Variants in ADGRB3 observed in about 807,000 individuals in gnomAD.
The protein encoded by ADGRB3 is brain-specific angiogenesis inhibitor 3.
Under a neutral mutation model 193.4 loss-of-function variants are expected in ADGRB3, and 37 were observed. The ratio of observed to expected loss-of-function variants is 0.19; its 90% CI spans 0.15 to 0.25. The LOEUF (loss-of-function observed/expected upper bound fraction) is 0.25. Among genes scored for constraint, ADGRB3 ranks in the 10% least tolerant of loss-of-function variants. The pLI is 1.00. For missense variants in ADGRB3, 1,637 were observed against 1,852.9 expected (o/e 0.88, Z 2.14); for synonymous variants, 690 against 644.2 (o/e 1.07, Z -1.08).
In ADGRB3 at chr6:68,758,176, T is replaced by G. The variant is rs537805090; in HGVS notation, c.757+118744T>G. Reference sequence around the variant, plus strand: ...CTCCTCACAAATTTGCTGTTAAGATTAGAGGTAATGAATATTAATGTTTAA... The same window carrying G: ...CTCCTCACAAATTTGCTGTTAAGATGAGAGGTAATGAATATTAATGTTTAA... On this transcript the variant is annotated intron_variant, in intron 3 of 31. Coordinates refer to ENST00000370598, the MANE Select transcript of ADGRB3 (RefSeq NM_001704.3). Among the ~76,000 whole-genome samples the G allele has an allele frequency of 4.1e-4, 63 of 152,216 alleles. 1 individual carries two copies. The South Asian group carries it at 8.9e-3, about 22-fold the overall frequency.
intron 3 of ADGRB3, among the ~76,000 whole-genome samples, chr6:68,871,343 G>C (rs1765449617): frequency 1.3e-5 from 2 of 152,004 alleles, no homozygotes; most frequent in Admixed American, 1.3e-4. Context: ...GGGAAATAGG[G>C]GTAAAGTGTG....
At chr6:69,102,723 C>G (rs543926270) in intron 17 of ADGRB3, among the ~76,000 whole-genome samples, 3 of 152,194 alleles carry the variant, frequency 2.0e-5, no homozygotes, top group Admixed American at 6.5e-5. Context: ...AAGAGTCTAC[C>G]TAGTGCCACA....
chr6:68,901,768 G>A (rs572476262), intron 3 of ADGRB3, among the ~76,000 whole-genome samples: 2 of 152,108 alleles, frequency 1.3e-5, no homozygotes, highest in Admixed American at 6.6e-5. Context: ...AAACAGAAAA[G>A]CAGAGAACAA....
At chr6:68,887,578 T>C (rs561653503) in intron 3 of ADGRB3, among the ~76,000 whole-genome samples, 1 of 152,244 alleles carries the variant, frequency 6.6e-6, no homozygotes, top group Admixed American at 6.5e-5. Context: ...AAAAAATTTC[T>C]GTGCCATGAT....
chr6:68,798,332 G>A (rs183931654), intron 3 of ADGRB3, among the ~76,000 whole-genome samples: 251 of 152,272 alleles, frequency 1.6e-3, no homozygotes, highest in African/African-American at 5.5e-3. Context: ...TAAACACTGT[G>A]CCCTTCTTTA....
chr6:68,874,791 C>A (rs1483916230), intron 3 of ADGRB3, among the ~76,000 whole-genome samples: 7 of 152,042 alleles, frequency 4.6e-5, no homozygotes, highest in South Asian at 2.1e-4. Flanking sequence ...ATGGAATTTG[C>A]AACTAGATTG....
At chr6:68,908,053 G>A (rs888497232) in intron 3 of ADGRB3, among the ~76,000 whole-genome samples, 3 of 151,412 alleles carry the variant, frequency 2.0e-5, no homozygotes, top group Non-Finnish European at 4.4e-5. Flanking sequence ...CATAAAGTTC[G>A]ATGAGATCTT....
intron 3 of ADGRB3, among the ~76,000 whole-genome samples, chr6:68,650,435 A>G (rs932326718): frequency 2.6e-5 from 4 of 152,104 alleles, no homozygotes; most frequent in Non-Finnish European, 4.4e-5. Context: ...TGATGAGACA[A>G]TGGAACATTT....
intron 3 of ADGRB3, among the ~76,000 whole-genome samples, chr6:68,799,977 C>T (rs1767281306): frequency 6.6e-6 from 1 of 152,054 alleles, no homozygotes; most frequent in Non-Finnish European, 1.5e-5. Context: ...GATAAGTTTC[C>T]TGACTATCAG....
Position 68,861,013 on chromosome 6 carries a change from G to A in ADGRB3, c.758-69546G>A, listed in dbSNP as rs57240609. ...CAGACTCATTGCATTTAAACTCATC[G>A]ATCTATCTTGCACCACAGATGGATC... On this transcript the variant is annotated intron_variant, in intron 3 of 31. Transcript: ENST00000370598. 8.2e-3 allele frequency among the ~76,000 whole-genome samples: 1,252 copies of A among 152,156 alleles called. 16 individuals carry two copies. The highest frequency in any genetic ancestry group is 0.029 in the African/African-American group (1,194 of 41,522).
At chr6:68,992,995 CCTG>C (rs1334614039) in intron 10 of ADGRB3, among the ~76,000 whole-genome samples, 1 of 151,932 alleles carries the variant, frequency 6.6e-6, no homozygotes, top group Non-Finnish European at 1.5e-5. Flanking sequence ...ATAATGGATT[CCTG>C]CTATTTCTTT....
intron 3 of ADGRB3, among the ~76,000 whole-genome samples, chr6:68,789,077 C>G (rs576277073): frequency 4.5e-4 from 69 of 152,016 alleles, no homozygotes; most frequent in Non-Finnish European, 8.7e-4. Context: ...TTCCTGAATA[C>G]AGCACACTGA....
chr6:69,340,772 C>A (rs74600145), intron 26 of ADGRB3, among the ~76,000 whole-genome samples: 4,952 of 152,170 alleles, frequency 0.033, 274 homozygotes, highest in African/African-American at 0.11. Context: ...TCTAGCCCCC[C>A]ACCCTTGACA....
chr6:68,736,154 A>G (rs975676876), intron 3 of ADGRB3, among the ~76,000 whole-genome samples: 6 of 150,976 alleles, frequency 4.0e-5, no homozygotes, highest in Non-Finnish European at 5.9e-5. Context: ...CTGGGACTAT[A>G]GGCACTTGCC....
intron 17 of ADGRB3, among the ~76,000 whole-genome samples, chr6:69,151,391 T>C (rs575679347): frequency 6.6e-6 from 1 of 152,230 alleles, no homozygotes; most frequent in Admixed American, 6.5e-5. Flanking sequence ...CAGGGTTCCA[T>C]TGCAAAGTCC....
At chr6:69,242,479 G>A (rs1582571681) in intron 20 of ADGRB3, among the ~76,000 whole-genome samples, 2 of 151,950 alleles carry the variant, frequency 1.3e-5, no homozygotes, top group East Asian at 1.9e-4. Flanking sequence ...ATGAAAGCTG[G>A]TATCTGATGT....
At position 68,827,706 on chromosome 6, in the gene ADGRB3, G is replaced by C. The variant is rs777056504; in HGVS notation, c.758-102853G>C. On this transcript the variant is annotated intron_variant, in intron 3 of 31. Coordinates refer to ENST00000370598, the MANE Select transcript of ADGRB3 (RefSeq NM_001704.3). ...TCTATAGTTGTGGTTTGGGCTTTTA[G>C]GGGTATGATGTCTACAAGATGGTCA... Among the ~76,000 whole-genome samples, 11 of 152,168 alleles carry C rather than the reference G, an allele frequency of 7.2e-5. No individual in the cohort carries two copies. The East Asian group carries it at 7.7e-4, about 11-fold the overall frequency.
At chr6:68,813,561 G>A (rs1767561999) in intron 3 of ADGRB3, among the ~76,000 whole-genome samples, 1 of 150,872 alleles carries the variant, frequency 6.6e-6, no homozygotes, top group Admixed American at 6.6e-5. Flanking sequence ...ATGAATAATG[G>A]AATGCTTTTT....
chr6:69,115,466 G>C, intron 17 of ADGRB3, among the ~76,000 whole-genome samples: 1 of 152,138 alleles, frequency 6.6e-6, no homozygotes, highest in Non-Finnish European at 1.5e-5. Context: ...GGTTAGGGGA[G>C]GGATAGCATT....
Sources: gnomAD v4.1 joint callset for allele counts (sites outside exome capture counted in the v4.1 genomes callset) on GRCh38, gnomAD v4.1.1 for gene constraint, MANE v1.5 for transcripts, NCBI Gene and HGNC (gene_info 2026-07-23, HGNC 2026-07-21) for gene names.